BCR: variants seen among roughly 807,000 people sequenced by gnomAD.
BCR encodes BCR activator of RhoGEF and GTPase.
A neutral mutation model predicts 138.6 loss-of-function variants in BCR; 58 were observed. That is an observed-to-expected ratio of 0.42 (90% confidence interval 0.34 to 0.52). The LOEUF is 0.52. Ranked by LOEUF, BCR falls within the 20% of genes least tolerant of loss-of-function variation. The pLI, the probability that BCR is intolerant of heterozygous loss-of-function variation, is 0.06. For missense variants in BCR, 1,599 were observed against 1,727.2 expected (o/e 0.93, Z 1.32); for synonymous variants, 786 against 730.1 (o/e 1.08, Z -1.23).
chr22:23,248,479 A>C (rs1374484983), intron 1 of BCR, among the ~76,000 whole-genome samples: 4 of 151,672 alleles, frequency 2.6e-5, no homozygotes, highest in Non-Finnish European at 5.9e-5. Context: ...ATGTGACCGC[A>C]GCACCTACCT....
chr22:23,181,625 G>C lies in BCR; in HGVS notation c.665G>C (p.Ser222Thr). Residue 222 changes from serine (S) to threonine (T), a missense_variant, in exon 1 of 23, where the codon AGC becomes ACC. Transcript: ENST00000305877. ...RKKSQHGAGS[S>T]VGDASRPPYR... ...AAGTCCCAGCACGGCGCGGGCTCGA[G>C]CGTGGGGGATGCATCCAGGCCCCCT... 6.2e-7 allele frequency: 1 copy of C among 1,611,446 alleles called. No individual in the cohort carries two copies.
chr22:23,197,560 A>G (rs2072498785), intron 1 of BCR, among the ~76,000 whole-genome samples: 1 of 152,190 alleles, frequency 6.6e-6, no homozygotes, highest in South Asian at 2.1e-4. Flanking sequence ...AGAAAGTAGC[A>G]GGCTCTGGTT....
chr22:23,272,986 A>C, intron 6 of BCR, 95 bp from the exon 7 acceptor site: 1 of 1,368,124 alleles, frequency 7.3e-7, no homozygotes, highest in Non-Finnish European at 1.0e-6. Flanking sequence ...AGGCTGGGGC[A>C]GCCCCCTCCC....
intron 1 of BCR, among the ~76,000 whole-genome samples, chr22:23,191,047 C>T (rs1284512891): frequency 6.6e-6 from 1 of 152,074 alleles, no homozygotes; most frequent in African/African-American, 2.4e-5. Context: ...ATCCTCTCTC[C>T]TCAGCCTCCT....
chr22:23,287,383 AGGCATGTCC>A, intron 11 of BCR, 105 bp downstream of exon 11: 3 of 1,424,944 alleles, frequency 2.1e-6, no homozygotes, highest in Non-Finnish European at 2.8e-6. Flanking sequence ...ACTCTGAGAG[AGGCATGTCC>A]GGCATGGTGC....
chr22:23,187,174 T>C (rs568936411), intron 1 of BCR, among the ~76,000 whole-genome samples: 1 of 152,220 alleles, frequency 6.6e-6, no homozygotes, highest in Non-Finnish European at 1.5e-5. Context: ...CTGGGGACTT[T>C]TACTGATCAT....
chr22:23,214,688 G>A, intron 1 of BCR, among the ~76,000 whole-genome samples: 1 of 152,228 alleles, frequency 6.6e-6, no homozygotes, highest in Non-Finnish European at 1.5e-5. Context: ...AGGGAACCTG[G>A]CACCATTTCC....
At chr22:23,295,842 T>C (rs889233025) in intron 16 of BCR, among the ~76,000 whole-genome samples, 3 of 152,174 alleles carry the variant, frequency 2.0e-5, no homozygotes, top group Non-Finnish European at 4.4e-5. Flanking sequence ...CTGTTTATCC[T>C]GTTCCCACCC....
At chr22:23,293,635 CAA>C (rs1037504135) in intron 15 of BCR, among the ~76,000 whole-genome samples, 11 of 152,232 alleles carry the variant, frequency 7.2e-5, no homozygotes, top group African/African-American at 2.6e-4. Context: ...GCAGAGACAA[CAA>C]GAGAGGGTGC....
Position 23,315,424 on chromosome 22 carries a change from C to G in BCR, c.3727-9C>G. On this transcript the variant is annotated splice_polypyrimidine_tract_variant and intron_variant, in intron 22 of 22. Coordinates refer to ENST00000305877, the MANE Select transcript of BCR (RefSeq NM_004327.4). ...AGCCACTCTTCTCTTCCCTACTCTG[C>G]CCGGGCAGGTCCAGGTGCTGCTGTA... 6.2e-7 allele frequency: 1 copy of G among 1,613,478 alleles called. No homozygotes were observed. The highest frequency in any genetic ancestry group is 8.5e-7 in the Non-Finnish European group (1 of 1,179,706).
At chr22:23,212,814 C>G (rs2072702280) in intron 1 of BCR, among the ~76,000 whole-genome samples, 1 of 152,242 alleles carries the variant, frequency 6.6e-6, no homozygotes, top group South Asian at 2.1e-4. Flanking sequence ...TGCACCTGCT[C>G]TCTGGGCAAG....
chr22:23,282,801 G>T (rs949719499), intron 8 of BCR, among the ~76,000 whole-genome samples: 14 of 152,218 alleles, frequency 9.2e-5, no homozygotes, highest in African/African-American at 3.4e-4. Flanking sequence ...TCAGTGCAGG[G>T]CGGGCGTCGT....
chr22:23,250,905 T>C (rs1232426323), intron 1 of BCR: 2 of 152,012 alleles, frequency 1.3e-5, no homozygotes, highest in Non-Finnish European at 2.9e-5. Flanking sequence ...GAGGTAGCAA[T>C]GGGGAGGGCC....
At chr22:23,182,654 A>G (rs1013254957) in intron 1 of BCR, among the ~76,000 whole-genome samples, 2 of 152,102 alleles carry the variant, frequency 1.3e-5, no homozygotes, top group African/African-American at 4.8e-5. Flanking sequence ...GTTAGCAGGG[A>G]CTGATTTATG....
chr22:23,212,976 T>A (rs986694834), intron 1 of BCR, among the ~76,000 whole-genome samples: 1 of 152,194 alleles, frequency 6.6e-6, no homozygotes, highest in African/African-American at 2.4e-5. Flanking sequence ...GCTGCCGGCC[T>A]CAAAAAGGAC....
At chr22:23,280,558 C>G (rs992085048) in intron 8 of BCR, among the ~76,000 whole-genome samples, 2 of 152,196 alleles carry the variant, frequency 1.3e-5, no homozygotes, top group African/African-American at 4.8e-5. Flanking sequence ...ATTTAATCCT[C>G]AGAACATACC....
intron 1 of BCR, among the ~76,000 whole-genome samples, chr22:23,216,204 A>C (rs147227778): frequency 6.6e-6 from 1 of 152,302 alleles, no homozygotes; most frequent in Non-Finnish European, 1.5e-5. Flanking sequence ...GTGTTTCTGC[A>C]AAACCAAGTG....
chr22:23,243,529 C>A (rs1056585468), intron 1 of BCR, among the ~76,000 whole-genome samples: 2 of 152,152 alleles, frequency 1.3e-5, no homozygotes, highest in South Asian at 2.1e-4. Flanking sequence ...GAAGCTCCCC[C>A]ACAATACACA....
rs553785356 is a variant in BCR, at chr22:23,311,503, G to A, written c.3183-194G>A. Among the ~76,000 whole-genome samples, 171 of 152,100 alleles carry A rather than the reference G, an allele frequency of 1.1e-3. 2 individuals carry two copies. The highest frequency in any genetic ancestry group is 4.0e-3 in the African/African-American group (166 of 41,452). On this transcript the variant is annotated intron_variant, in intron 18 of 22. Coordinates refer to ENST00000305877, the MANE Select transcript of BCR (RefSeq NM_004327.4). ...TTCTGGCCGCTTGAAAGGTTCCTGAGAAAGTACATGCCATGAGGACAGAGC... is the reference window on the plus strand; with the variant it reads ...TTCTGGCCGCTTGAAAGGTTCCTGAAAAAGTACATGCCATGAGGACAGAGC...
Sources: allele counts gnomAD v4.1 joint callset (sites outside exome capture counted in the v4.1 genomes callset), GRCh38; gene constraint gnomAD v4.1.1; transcripts MANE v1.5; gene names NCBI Gene and HGNC (gene_info 2026-07-23, HGNC 2026-07-21).